The following CMYA5 variants were observed in gnomAD, a reference collection of about 807,000 sequenced individuals.
CMYA5 encodes cardiomyopathy associated 5, also known as cardiomyopathy-associated protein 5.
CMYA5 carries 246 observed loss-of-function variants against 318.9 expected under a neutral mutation model. The ratio of observed to expected loss-of-function variants is 0.77; its 90% confidence interval spans 0.70 to 0.86. The LOEUF (loss-of-function observed/expected upper bound fraction) is 0.86. CMYA5 is among the 40% of genes least tolerant of loss of function. CMYA5 has a pLI of 0.00. For synonymous variants in CMYA5, 1,641 were observed against 1,729.5 expected, an observed-to-expected ratio of 0.95 and a Z score of 1.27; for missense variants, 4,589 against 4,678.2, an observed-to-expected ratio of 0.98 and a Z score of 0.56.
chr5:79,787,446 A>G (rs1263618255), intron 9 of CMYA5, among the ~76,000 whole-genome samples: 3 of 152,228 alleles, frequency 2.0e-5, no homozygotes, highest in South Asian at 4.1e-4. Flanking sequence ...TCTACCCCAG[A>G]ATAATATTCT....
intron 12 of CMYA5, 75 bp from the exon 13 acceptor site, chr5:79,799,295 A>G (rs926885850): frequency 1.4e-6 from 2 of 1,457,566 alleles, no homozygotes; most frequent in African/African-American, 1.4e-5. Flanking sequence ...AGAATTGGTT[A>G]TTCCCAAGTG....
chr5:79,728,927 G>A lies in CMYA5; in HGVS notation c.162G>A (p.Gln54=). Residue 54 remains glutamine (Q), a synonymous_variant, in exon 2 of 13, where the codon CAG becomes CAA. Transcript: ENST00000446378. ...TTATTTGCTATAGGTTATCAGACCA[G>A]GATGAAGAGGGAAAGATCAAGCAGG... ...EEEPDSRLSD[Q]DEEGKIKQEY... is the part of the protein sequence containing the mutation. The A allele has an allele frequency of 6.4e-7, 1 of 1,570,246 alleles. No individual in the cohort carries two copies. The highest frequency in any genetic ancestry group is 8.6e-7 in the Non-Finnish European group (1 of 1,158,260).
At chr5:79,724,818 G>C (rs1231052152) in intron 1 of CMYA5, among the ~76,000 whole-genome samples, 1 of 152,092 alleles carries the variant, frequency 6.6e-6, no homozygotes, top group African/African-American at 2.4e-5. Context: ...TCATTCTCTA[G>C]TTCCTGTTGG....
rs758840796 is a variant in CMYA5 at position 79,734,258 on chromosome 5, T to C, written c.5493T>C (p.Asp1831=). The change falls in exon 2 of 13, where the codon GAT becomes GAC. Residue 1831 remains aspartate (D), a synonymous_variant. Coordinates refer to ENST00000446378, the MANE Select transcript of CMYA5 (RefSeq NM_153610.5). ...QKKTEKALHS[D]QTVKLPDVST... The stretch of plus-strand genomic sequence containing the variant: ...AGACAGAAAAAGCACTTCATTCAGA[T>C]CAAACTGTTAAATTACCTGATGTAA... The C allele has an allele frequency of 6.2e-7, 1 of 1,613,596 alleles. No individual in the cohort carries two copies. Among genetic ancestry groups the C allele is most frequent in the Non-Finnish European group, 8.5e-7 (1 of 1,179,776 alleles).
At chr5:79,769,020 T>C (rs1010811509) in intron 9 of CMYA5, among the ~76,000 whole-genome samples, 12 of 152,192 alleles carry the variant, frequency 7.9e-5, no homozygotes, top group African/African-American at 2.9e-4. Flanking sequence ...TCTAATCTTG[T>C]CCTCATGCTT....
intron 1 of CMYA5, 55 bp downstream of exon 1, chr5:79,690,111 T>C: frequency 7.2e-7 from 1 of 1,379,816 alleles, no homozygotes; most frequent in Non-Finnish European, 9.4e-7. Context: ...AGCAGCACCC[T>C]TGCTTGTTTG....
At position 79,699,587 on chromosome 5, in the gene CMYA5, A is replaced by AG. The variant is rs988882932; in HGVS notation, c.149+9533dup. 7.9e-5 allele frequency among the ~76,000 whole-genome samples: 12 copies of AG among 152,236 alleles called. No homozygotes were observed. In the South Asian group the frequency reaches 1.5e-3, roughly 18 times the overall value. On this transcript the variant is annotated intron_variant, in intron 1 of 12. Transcript: ENST00000446378. ...AAAGAGGGAAGTGGGTGCCTAGAAG[A>AG]GGAGAGGGCATCCAGAGCAGACTGG...
intron 1 of CMYA5, among the ~76,000 whole-genome samples, chr5:79,695,466 ATACT>A (rs1427469324): frequency 6.6e-6 from 1 of 152,246 alleles, no homozygotes; most frequent in Non-Finnish European, 1.5e-5. Context: ...TGTTTTTTAA[ATACT>A]TACAGCACAC....
In CMYA5 at chr5:79,742,823, A is replaced by C. The variant is rs542825046; in HGVS notation, c.10639-1004A>C. On this transcript the variant is annotated intron_variant, in intron 2 of 12. Coordinates refer to ENST00000446378, the MANE Select transcript of CMYA5 (RefSeq NM_153610.5). ...AATCAATACAATGTTGCGAAAGCCC[A>C]ATGTTCTGAGAAACTAACCTTTTGG... Among the ~76,000 whole-genome samples, 15 of 152,254 alleles carry C rather than the reference A, an allele frequency of 9.9e-5. No homozygotes were observed. The East Asian group carries it at 2.7e-3, about 27-fold the overall frequency.
chr5:79,755,205 G>GC (rs951400901), intron 6 of CMYA5, among the ~76,000 whole-genome samples: 1 of 152,124 alleles, frequency 6.6e-6, no homozygotes, highest in African/African-American at 2.4e-5. Context: ...ATTTCATCAG[G>GC]CAGAGGGGTG....
At position 79,738,863 on chromosome 5, in the gene CMYA5, T is replaced by C. The variant is rs553049598; in HGVS notation, c.10098T>C (p.Ser3366=). The C allele has an allele frequency of 2.5e-6, 4 of 1,613,870 alleles. No individual in the cohort carries two copies. The East Asian group carries it at 8.9e-5, about 36-fold the overall frequency. The change falls in exon 2 of 13, where the codon AGT becomes AGC. Residue 3366 remains serine, a synonymous_variant. Coordinates refer to ENST00000446378, the MANE Select transcript of CMYA5 (RefSeq NM_153610.5). ...ACGGTAATGAAGTCGGAAATGCAAG[T>C]CCAGAGGTCAATCTGAATGTCCCAG... ...GSHGNEVGNA[S]PEVNLNVPVQ...
At chr5:79,710,911 A>G (rs73123828) in intron 1 of CMYA5, among the ~76,000 whole-genome samples, 182 of 152,268 alleles carry the variant, frequency 1.2e-3, no homozygotes, top group African/African-American at 4.2e-3. Context: ...ATTCAGCTTA[A>G]TTTTTAGAAC....
chr5:79,724,053 C>T (rs946520588), intron 1 of CMYA5, among the ~76,000 whole-genome samples: 4 of 152,048 alleles, frequency 2.6e-5, no homozygotes, highest in Admixed American at 2.0e-4. Flanking sequence ...TGTGGTACCC[C>T]AGGCCTGTAA....
At chr5:79,760,818 G>C (rs1455965193) in intron 7 of CMYA5, among the ~76,000 whole-genome samples, 1 of 152,176 alleles carries the variant, frequency 6.6e-6, no homozygotes, top group Non-Finnish European at 1.5e-5. Context: ...CAGATTCTGG[G>C]ATATGGGAGA....
At chr5:79,690,460 G>A (rs1826946543) in intron 1 of CMYA5, among the ~76,000 whole-genome samples, 1 of 152,094 alleles carries the variant, frequency 6.6e-6, no homozygotes, top group Admixed American at 6.5e-5. Flanking sequence ...GATGAATGGC[G>A]GTCTCCCCGG....
chr5:79,754,769 T>C (rs1216904453), intron 6 of CMYA5, among the ~76,000 whole-genome samples: 2 of 152,054 alleles, frequency 1.3e-5, no homozygotes, highest in Admixed American at 1.3e-4. Context: ...ACTGCCATCC[T>C]CTCCAGAACT....
rs770909917 is a variant in CMYA5, at chr5:79,737,681, A to C, written c.8916A>C (p.Gln2972His). ...CAATCGATCAGGAAGAAAGTGAACA[A>C]ATGCAAGATAAATTAGAATATTTGG... ...ISSIDQEESE[Q>H]MQDKLEYLEE... The change falls in exon 2 of 13, where the codon CAA becomes CAC. Residue 2972 changes from glutamine to histidine, a missense_variant. Transcript: ENST00000446378. 3.5e-5 allele frequency: 56 copies of C among 1,612,732 alleles called. No individual in the cohort carries two copies. Among genetic ancestry groups the C allele is most frequent in the Non-Finnish European group, 4.3e-5 (51 of 1,179,596 alleles).
rs1403593145 is a variant in CMYA5 at position 79,732,849 on chromosome 5, G to A, written c.4084G>A (p.Asp1362Asn). Residue 1362 changes from aspartate to asparagine, a missense_variant, in exon 2 of 13, where the codon GAT becomes AAT. Physicochemically the swap from Asp to Asn is conservative, Grantham distance 23. This residue lies in a region of CMYA5 where 2,132 missense variants were observed against 2,131.3 expected (regional missense o/e 1.00). Coordinates refer to ENST00000446378, the MANE Select transcript of CMYA5 (RefSeq NM_153610.5). Reference sequence around the variant, plus strand: ...AACTACAGCATCTGTAACTAAGCTTGATTCAAACTTAACCAGAGCAGTAAA... The same window carrying A: ...AACTACAGCATCTGTAACTAAGCTTAATTCAAACTTAACCAGAGCAGTAAA... ...STTTASVTKL[D>N]SNLTRAVKEE... The A allele has an allele frequency of 3.1e-6, 5 of 1,613,740 alleles. No individual in the cohort carries two copies. Among genetic ancestry groups the A allele is most frequent in the Non-Finnish European group, 4.2e-6 (5 of 1,179,810 alleles).
chr5:79,791,334 A>G (rs1829175035), intron 11 of CMYA5, among the ~76,000 whole-genome samples: 1 of 152,110 alleles, frequency 6.6e-6, no homozygotes, highest in African/African-American at 2.4e-5. Context: ...ATTTTAAGGT[A>G]TGATCTCTGG....
Sources: allele counts gnomAD v4.1 joint callset (sites outside exome capture counted in the v4.1 genomes callset), GRCh38; gene constraint gnomAD v4.1.1; regional missense constraint gnomAD v4.1.1; transcripts MANE v1.5; gene names NCBI Gene and HGNC (gene_info 2026-07-23, HGNC 2026-07-21).